The following C5orf46 variants were observed in gnomAD, a reference collection of about 807,000 sequenced individuals.
C5orf46 encodes uncharacterized protein C5orf46.
A neutral mutation model predicts 8.9 loss-of-function variants in C5orf46; 9 were observed. The observed-to-expected ratio is 1.01, with a 90% CI of 0.61 to 1.76. The LOEUF (loss-of-function observed/expected upper bound fraction) is 1.76. Ranked by LOEUF, C5orf46 falls within the 40% of genes most tolerant of loss-of-function variation. The probability of loss-of-function intolerance (pLI) is 0.00; values close to 1 mark genes in which losing one functional copy is unlikely to be tolerated. For synonymous variants in C5orf46, 47 were observed against 41.4 expected (o/e 1.14, Z -0.52); for missense variants, 98 against 107.8 (o/e 0.91, Z 0.40).
intron 3 of C5orf46, among the ~76,000 whole-genome samples, chr5:147,893,479 T>TTTCA (rs1291171345): frequency 6.6e-6 from 1 of 151,652 alleles, no homozygotes; most frequent in African/African-American, 2.4e-5. Flanking sequence ...AGAGACAGGG[T>TTTCA]TTCACAGTTT....
Position 147,901,772 on chromosome 5 carries a change from G to T in C5orf46, c.72C>A (p.Asp24Glu). 6.2e-7 allele frequency: 1 copy of T among 1,613,026 alleles called. No individual in the cohort carries two copies. Among genetic ancestry groups the T allele is most frequent in the Non-Finnish European group, 8.5e-7 (1 of 1,179,550 alleles). Reference sequence around the variant, plus strand: ...TGTCGTCTGGCTTGTCTGGTTTGTCGTCTGAAAAACAACAGAATCTCAGAG... The same window carrying T: ...TGTCGTCTGGCTTGTCTGGTTTGTCTTCTGAAAAACAACAGAATCTCAGAG... ...LLVLFLTCYA[D>E]DKPDKPDDKP... is the part of the protein sequence containing the mutation. Residue 24 changes from aspartate (D) to glutamate (E), a missense_variant and splice_region_variant, in exon 2 of 4, where the codon GAC becomes GAA. Coordinates refer to ENST00000318315, the MANE Select transcript of C5orf46 (RefSeq NM_206966.3).
intron 2 of C5orf46, among the ~76,000 whole-genome samples, chr5:147,900,995 G>A (rs1389271197): frequency 6.6e-6 from 1 of 152,162 alleles, no homozygotes; most frequent in Non-Finnish European, 1.5e-5. Context: ...CTCTGGGATT[G>A]GTGATCTGCC....
chr5:147,898,006 A>G (rs1457181534), intron 2 of C5orf46, among the ~76,000 whole-genome samples: 2 of 152,154 alleles, frequency 1.3e-5, no homozygotes, highest in Non-Finnish European at 2.9e-5. Flanking sequence ...AGCCTAATGC[A>G]TTTGCTTGAA....
rs977557274 is a variant in C5orf46 at position 147,896,963 on chromosome 5, A to C, written c.*9+21T>G. 3.0e-6 allele frequency: 4 copies of C among 1,344,842 alleles called. No individual in the cohort carries two copies. The African/African-American group carries it at 5.8e-5, about 19-fold the overall frequency. The allele number at this position is 1,344,842 out of a possible 1,614,324, so 83.3% of individuals were successfully genotyped here. A position where few individuals can be genotyped will look rare whatever the true frequency, so the allele number is the denominator to read the frequency against. On this transcript the variant is annotated intron_variant, in intron 3 of 3. Coordinates refer to ENST00000318315, the MANE Select transcript of C5orf46 (RefSeq NM_206966.3). Reference sequence around the variant, plus strand: ...TCCAATACACTGTTATTTCAGTTGTAAATTTTAAGTGAAAAATCACCTGAG... The same window carrying C: ...TCCAATACACTGTTATTTCAGTTGTCAATTTTAAGTGAAAAATCACCTGAG...
Position 147,897,025 on chromosome 5 carries a change from C to A in C5orf46, c.232G>T (p.Asp78Tyr). Reference sequence around the variant, plus strand: ...GATGAATGTTTTCCTTCATTATCATCAAATTCCATAAATCCTCTTGAGAAA... The same window carrying A: ...GATGAATGTTTTCCTTCATTATCATAAAATTCCATAAATCCTCTTGAGAAA... ...MSRSTGFMEF[D>Y]DNEGKHSSK is the part of the protein sequence containing the mutation. Residue 78 changes from aspartate to tyrosine, a missense_variant, in exon 3 of 4, where the codon GAT becomes TAT. By Grantham distance (160) the Asp-to-Tyr change is radical (BLOSUM62 -3). Transcript: ENST00000318315. 6.7e-7 allele frequency: 1 copy of A among 1,501,838 alleles called. No homozygotes were observed. The highest frequency in any genetic ancestry group is 9.1e-7 in the Non-Finnish European group (1 of 1,097,064). 93.0% of individuals were successfully genotyped at this position (1,501,838 alleles called of 1,614,324 possible).
At chr5:147,893,512 CTGATCTCA>C (rs1190744223) in intron 3 of C5orf46, among the ~76,000 whole-genome samples, 1 of 151,580 alleles carries the variant, frequency 6.6e-6, no homozygotes, top group African/African-American at 2.4e-5. Context: ...TCTCGATCTC[CTGATCTCA>C]TGATTTGCCT....
Position 147,901,743 on chromosome 5 carries a change from G to A in C5orf46, c.101C>T (p.Pro34Leu), listed in dbSNP as rs748196651. The A allele has an allele frequency of 3.1e-6, 5 of 1,613,916 alleles. No individual in the cohort carries two copies. In the Admixed American group the frequency reaches 8.3e-5, roughly 27 times the overall value. Residue 34 changes from proline (P) to leucine (L), a missense_variant, in exon 2 of 4, where the codon CCA (proline) becomes CTA (leucine). Coordinates refer to ENST00000318315, the MANE Select transcript of C5orf46 (RefSeq NM_206966.3). ...DDKPDKPDDKPDDSGKDPKPD... is the reference protein window; with the variant it reads ...DDKPDKPDDKLDDSGKDPKPD... ...CTTTGGGTCTTTGCCCGAGTCGTCT[G>A]GCTTGTCGTCTGGCTTGTCTGGTTT...
At chr5:147,897,154 C>A in intron 2 of C5orf46, 113 bp from the exon 3 acceptor site, 1 of 461,754 alleles carries the variant, frequency 2.2e-6, no homozygotes, top group South Asian at 5.2e-5. Flanking sequence ...CTAGATTTTT[C>A]TATGTCAGAA....
At chr5:147,904,911 A>ATAT (rs1478333439) in intron 1 of C5orf46, among the ~76,000 whole-genome samples, 12 of 150,256 alleles carry the variant, frequency 8.0e-5, no homozygotes, top group African/African-American at 2.7e-4. Context: ...TCGTAGTACC[A>ATAT]ATCCCAAGAT....
intron 1 of C5orf46, 125 bp from the exon 2 acceptor site, chr5:147,901,898 T>A (rs1234354210): frequency 1.1e-6 from 1 of 948,086 alleles, no homozygotes; most frequent in African/African-American, 1.7e-5. Flanking sequence ...TATGGTTATA[T>A]TCATCGAACA....
chr5:147,894,550 C>T (rs1347171947), intron 3 of C5orf46, among the ~76,000 whole-genome samples: 1 of 152,112 alleles, frequency 6.6e-6, no homozygotes, highest in Non-Finnish European at 1.5e-5. Flanking sequence ...ATCCCCTCCT[C>T]CAGATATTCC....
chr5:147,889,131 TG>T (rs1757466430), downstream of C5orf46, among the ~76,000 whole-genome samples: 1 of 152,108 alleles, frequency 6.6e-6, no homozygotes, highest in African/African-American at 2.4e-5. Context: ...CAGAATCCTT[TG>T]AAAAGCTGAA....
chr5:147,905,621 C>A (rs1375503052), intron 1 of C5orf46, among the ~76,000 whole-genome samples: 1 of 152,172 alleles, frequency 6.6e-6, no homozygotes, highest in Non-Finnish European at 1.5e-5. Flanking sequence ...CTTTTGCAGA[C>A]AAACAGTAAA....
intron 2 of C5orf46, among the ~76,000 whole-genome samples, chr5:147,899,426 A>T (rs1757634014): frequency 6.6e-6 from 1 of 152,146 alleles, no homozygotes; most frequent in Non-Finnish European, 1.5e-5. Context: ...CCACCCGCAG[A>T]TTTATCTCTT....
rs2250145 is a variant in C5orf46 at position 147,906,491 on chromosome 5, G to A, written c.11C>T (p.Ser4Leu). Residue 4 changes from serine to leucine, a missense_variant, in exon 1 of 4, where the codon TCA (serine) becomes TTA (leucine). Transcript: ENST00000318315. ...CAGGACAACTGTCAGGCGAAGTACT[G>A]AGACAGCCATTCTGGTAGCACGGGG... is the stretch of plus-strand genomic sequence containing the variant. The part of the protein sequence containing the change: MAV[S>L]VLRLTVVLGL... 0.57 allele frequency: 910,151 copies of A among 1,605,674 alleles called. 264,490 individuals are homozygous for A. The highest frequency in any genetic ancestry group is 0.61 in the South Asian group (54,880 of 89,952).
chr5:147,895,360 A>G (rs1448826440), intron 3 of C5orf46, among the ~76,000 whole-genome samples: 1 of 152,128 alleles, frequency 6.6e-6, no homozygotes, highest in African/African-American at 2.4e-5. Context: ...AGATTGAGCC[A>G]TTCCTCCCTG....
At chr5:147,904,280 G>T (rs1043487658) in intron 1 of C5orf46, among the ~76,000 whole-genome samples, 7 of 152,116 alleles carry the variant, frequency 4.6e-5, no homozygotes, top group Non-Finnish European at 7.4e-5. Flanking sequence ...GCTCAGCAGT[G>T]GTATCACAGT....
At chr5:147,888,346 T>C (rs1280926560), downstream of C5orf46, among the ~76,000 whole-genome samples, 1 of 152,198 alleles carries the variant, frequency 6.6e-6, no homozygotes, top group Non-Finnish European at 1.5e-5. Flanking sequence ...TGATCATATG[T>C]GTTCCAATGC....
Position 147,904,885 on chromosome 5 carries a change from A to C in C5orf46, c.70+1547T>G, listed in dbSNP as rs1336797329. On this transcript the variant is annotated intron_variant, in intron 1 of 3. Coordinates refer to ENST00000318315, the MANE Select transcript of C5orf46 (RefSeq NM_206966.3). ...TATATTATATATACATACATATATC[A>C]TATATATACCACTTATCGTAGTACC... Among the ~76,000 whole-genome samples, 6 of 149,842 alleles carry C rather than the reference A, an allele frequency of 4.0e-5. No individual in the cohort carries two copies. In the East Asian group the frequency reaches 1.2e-3, roughly 29 times the overall value.
Sources: allele counts gnomAD v4.1 joint callset (sites outside exome capture counted in the v4.1 genomes callset), GRCh38; gene constraint gnomAD v4.1.1; transcripts MANE v1.5; gene names NCBI Gene and HGNC (gene_info 2026-07-23, HGNC 2026-07-21).